The following VAMP7 variants were observed in gnomAD, a reference collection of about 807,000 sequenced individuals.
VAMP7 encodes the protein vesicle associated membrane protein 7.
A neutral mutation model predicts 29.6 loss-of-function variants in VAMP7; 14 were observed. The observed-to-expected ratio is 0.47, with a 90% CI of 0.31 to 0.74. The LOEUF (loss-of-function observed/expected upper bound fraction) is 0.74. Among genes scored for constraint, VAMP7 ranks in the 30% least tolerant of loss-of-function variants. The probability of loss-of-function intolerance (pLI) is 0.05; values close to 1 mark genes in which losing one functional copy is unlikely to be tolerated. For synonymous variants in VAMP7, 95 were observed against 88.1 expected (o/e 1.08, Z -0.44); for missense variants, 223 against 262.4 (o/e 0.85, Z 1.04).
chrX:155,895,743 A>G, intron 3 of VAMP7, 63 bp downstream of exon 3: 1 of 1,487,620 alleles, frequency 6.7e-7, no homozygotes, highest in South Asian at 1.2e-5. Flanking sequence ...CCAGTTCTTA[A>G]TTATCTATAC....
At chrX:155,911,302 G>A (rs903603232) in intron 5 of VAMP7, among the ~76,000 whole-genome samples, 5 of 151,972 alleles carry the variant, frequency 3.3e-5, no homozygotes, top group Non-Finnish European at 5.9e-5. Context: ...CTATTCCATC[G>A]ACCTTGTGTC....
intron 6 of VAMP7, among the ~76,000 whole-genome samples, chrX:155,932,821 C>T (rs1043321006): frequency 2.6e-5 from 4 of 152,114 alleles, no homozygotes; most frequent in African/African-American, 9.7e-5. Flanking sequence ...TTTGCCCATT[C>T]AGTATGATAT....
intron 2 of VAMP7, among the ~76,000 whole-genome samples, chrX:155,894,678 C>T (rs1402239547): frequency 6.6e-6 from 1 of 151,980 alleles, no homozygotes; most frequent in Non-Finnish European, 1.5e-5. Flanking sequence ...TGCAGTGGCG[C>T]AATCTCAGCT....
chrX:155,889,641 A>T lies in VAMP7; in HGVS notation c.146+29A>T, dbSNP rs776700710. On this transcript the variant is annotated intron_variant, in intron 2 of 7. Transcript: ENST00000286448. ...AGTTCTGTTCTGCATGTGGTAAGGG[A>T]TGAAAGAAGGGAATTCTGTTACTCT... The T allele has an allele frequency of 9.3e-6, 15 of 1,611,476 alleles. No homozygotes were observed. The South Asian group carries it at 1.7e-4, about 18-fold the overall frequency.
intron 6 of VAMP7, among the ~76,000 whole-genome samples, chrX:155,920,337 A>G (rs1471532635): frequency 1.3e-5 from 2 of 152,298 alleles, no homozygotes; most frequent in Non-Finnish European, 1.5e-5. Flanking sequence ...GAAAGCGCCA[A>G]TAAGCCTTAA....
intron 2 of VAMP7, among the ~76,000 whole-genome samples, chrX:155,893,583 C>A: frequency 6.6e-6 from 1 of 152,118 alleles, no homozygotes; most frequent in East Asian, 1.9e-4. Context: ...GCGTGAGGTG[C>A]CCGCTAATTC....
chrX:155,937,263 G>A (rs2066674313), intron 6 of VAMP7, among the ~76,000 whole-genome samples: 2 of 152,266 alleles, frequency 1.3e-5, no homozygotes, highest in Admixed American at 6.5e-5. Context: ...TTGACAGTGG[G>A]TGGGAGACCT....
intron 6 of VAMP7, among the ~76,000 whole-genome samples, chrX:155,926,045 G>T (rs2066462295): frequency 6.6e-6 from 1 of 152,102 alleles, no homozygotes; most frequent in African/African-American, 2.4e-5. Flanking sequence ...AAACAGATGT[G>T]CTATCTTCCA....
intron 5 of VAMP7, among the ~76,000 whole-genome samples, chrX:155,906,700 T>C (rs1315671546): frequency 1.3e-5 from 2 of 152,176 alleles, no homozygotes; most frequent in Non-Finnish European, 2.9e-5. Context: ...TTAGTTCTAA[T>C]AGCTTTTTAA....
chrX:155,916,314 G>A (rs1407000432), intron 5 of VAMP7, among the ~76,000 whole-genome samples: 1 of 152,036 alleles, frequency 6.6e-6, no homozygotes, highest in East Asian at 1.9e-4. Context: ...TATTCAATTT[G>A]CCAGTCTGTG....
intron 6 of VAMP7, among the ~76,000 whole-genome samples, chrX:155,932,257 A>G (rs1017197144): frequency 3.3e-5 from 5 of 152,168 alleles, no homozygotes; most frequent in African/African-American, 1.2e-4. Flanking sequence ...AGTCATTGGT[A>G]GCTTGATAGG....
chrX:155,923,510 G>T (rs772432326), intron 6 of VAMP7, among the ~76,000 whole-genome samples: 197 of 151,472 alleles, frequency 1.3e-3, no homozygotes, highest in African/African-American at 4.5e-3. Flanking sequence ...ATGAACGGTG[G>T]TTCATCACTG....
chrX:155,895,751 T>TA (rs1460968166), intron 3 of VAMP7, 71 bp downstream of exon 3: 233 of 1,439,744 alleles, frequency 1.6e-4, no homozygotes, highest in Non-Finnish European at 2.2e-4. Flanking sequence ...TAATTATCTA[T>TA]ACCAGGGGTC....
At chrX:155,896,088 A>G (rs1336838556) in intron 3 of VAMP7, among the ~76,000 whole-genome samples, 2 of 152,142 alleles carry the variant, frequency 1.3e-5, no homozygotes, top group African/African-American at 4.8e-5. Context: ...GGGACTGCTG[A>G]TCTGTACCTA....
At chrX:155,908,944 C>A (rs1446766910) in intron 5 of VAMP7, among the ~76,000 whole-genome samples, 1 of 151,994 alleles carries the variant, frequency 6.6e-6, no homozygotes, top group Non-Finnish European at 1.5e-5. Context: ...CTCAGCCTCC[C>A]AAGCAGCTGG....
chrX:155,928,096 A>T (rs1025932922), intron 6 of VAMP7, among the ~76,000 whole-genome samples: 3 of 151,540 alleles, frequency 2.0e-5, no homozygotes, highest in Non-Finnish European at 4.4e-5. Context: ...CTAATTTTTT[A>T]AATTTTTCTT....
At chrX:155,898,783 G>T (rs1313015184) in intron 4 of VAMP7, among the ~76,000 whole-genome samples, 4 of 151,874 alleles carry the variant, frequency 2.6e-5, no homozygotes, top group Admixed American at 6.6e-5. Flanking sequence ...CCTACACTTT[G>T]CCCCAGGCAA....
chrX:155,895,617 C>T lies in VAMP7; in HGVS notation c.147-6C>T, dbSNP rs2065977289. 1 of 1,601,288 alleles carries T rather than the reference C, an allele frequency of 6.2e-7. No homozygotes were observed. Among genetic ancestry groups the T allele is most frequent in the African/African-American group, 1.3e-5 (1 of 74,652 alleles). On this transcript the variant is annotated splice_region_variant and splice_polypyrimidine_tract_variant and intron_variant, in intron 2 of 7. Transcript: ENST00000286448. The stretch of plus-strand genomic sequence containing the variant: ...CACAGTAAGTTTTATATCTTTTATT[C>T]TACAGTTATTTGTTTCATTACATCT...
intron 5 of VAMP7, among the ~76,000 whole-genome samples, chrX:155,917,862 G>C (rs1013797091): frequency 5.9e-5 from 9 of 152,112 alleles, no homozygotes; most frequent in Non-Finnish European, 1.3e-4. Flanking sequence ...GCTCTCTTCC[G>C]AACTGGCAGG....
Sources: allele counts gnomAD v4.1 joint callset (sites outside exome capture counted in the v4.1 genomes callset), GRCh38; gene constraint gnomAD v4.1.1; transcripts MANE v1.5; gene names NCBI Gene and HGNC (gene_info 2026-07-23, HGNC 2026-07-21).